BCL2L12: variants seen among roughly 807,000 people sequenced by gnomAD.
BCL2L12 encodes the protein bcl-2-like protein 12.
A neutral mutation model predicts 25.7 loss-of-function variants in BCL2L12; 27 were observed. That is an observed-to-expected ratio of 1.05 (90% confidence interval 0.78 to 1.45). BCL2L12 has a LOEUF of 1.45. BCL2L12 is among the 40% of genes most tolerant of loss of function. BCL2L12 has a pLI of 0.00. For synonymous variants in BCL2L12, 132 were observed against 145.6 expected, an observed-to-expected ratio of 0.91 and a Z score of 0.67; for missense variants, 302 against 329.8, an observed-to-expected ratio of 0.92 and a Z score of 0.65.
Position 49,673,785 on chromosome 19 carries a change from T to A in BCL2L12, c.*37T>A. ...GAAGCTGCTACAAGATGACACCTCA[T>A]GTCCCTGCCCTCTTCGTGTGCTTTT... On this transcript the variant is annotated 3_prime_UTR_variant, in exon 7 of 7. Coordinates refer to ENST00000246784, the MANE Select transcript of BCL2L12 (RefSeq NM_138639.2). 6.2e-7 allele frequency: 1 copy of A among 1,612,830 alleles called. No individual in the cohort carries two copies.
At position 49,672,992 on chromosome 19, in the gene BCL2L12, G is replaced by A. The variant is rs979227677; in HGVS notation, c.703-706G>A. On this transcript the variant is annotated intron_variant, in intron 6 of 6. Transcript: ENST00000246784. This position sits in a 1 kb window ranked among gnomAD's most constrained non-coding sequence, Gnocchi z 4.1. ...AAGCGATTCCCTGCCTCAGCCTCCT[G>A]AGTAGCTGGGGTTACAGGCGCACAC... Among the ~76,000 whole-genome samples the A allele has an allele frequency of 3.9e-5, 6 of 152,148 alleles. No homozygotes were observed. Among genetic ancestry groups the A allele is most frequent in the African/African-American group, 1.4e-4 (6 of 41,416 alleles).
intron 4 of BCL2L12, 40 bp from the exon 5 acceptor site, chr19:49,668,984 T>C (rs2081890713): frequency 6.2e-7 from 1 of 1,613,710 alleles, no homozygotes; most frequent in Non-Finnish European, 8.5e-7. Context: ...GGGAGGATAG[T>C]CAGGGTTCTG....
In BCL2L12 at chr19:49,666,507, T is replaced by C. The variant is rs56752819; in HGVS notation, c.-8-178T>C. ...ACCTTTCCTTGGATCGAAGAGTCTT[T>C]TTCCTGATCGCTTTTTCGTCTGAGG... is the stretch of plus-strand genomic sequence containing the variant. On this transcript the variant is annotated intron_variant, in intron 1 of 6. Coordinates refer to ENST00000246784, the MANE Select transcript of BCL2L12 (RefSeq NM_138639.2). 3.3e-5 allele frequency among the ~76,000 whole-genome samples: 5 copies of C among 152,216 alleles called. No homozygotes were observed. In the South Asian group the frequency reaches 8.3e-4, roughly 25 times the overall value.
chr19:49,668,597 C>A (rs12977710), intron 3 of BCL2L12, among the ~76,000 whole-genome samples: 3 of 151,894 alleles, frequency 2.0e-5, no homozygotes. Context: ...TGAGGTCAGC[C>A]TGGGCAACAC....
At chr19:49,673,418 C>T (rs2082000126) in intron 6 of BCL2L12, among the ~76,000 whole-genome samples, 1 of 152,062 alleles carries the variant, frequency 6.6e-6, no homozygotes, top group Non-Finnish European at 1.5e-5. Context: ...CCATCTCTGA[C>T]TCTGTCCCCC....
At chr19:49,673,363 A>G (rs866601892) in intron 6 of BCL2L12, among the ~76,000 whole-genome samples, 2 of 151,762 alleles carry the variant, frequency 1.3e-5, no homozygotes, top group South Asian at 4.2e-4. Flanking sequence ...GGATTTGTAC[A>G]CAAAGCCACG....
upstream of BCL2L12, chr19:49,665,550 C>T (rs1168932240): frequency 4.9e-6 from 2 of 411,722 alleles, no homozygotes; most frequent in Admixed American, 3.8e-5. Flanking sequence ...CCTGCCTTTC[C>T]ACTCTCCGTG....
At position 49,672,392 on chromosome 19, in the gene BCL2L12, G is replaced by A. The variant is rs761261722; in HGVS notation, c.703-1306G>A. Among the ~76,000 whole-genome samples the A allele has an allele frequency of 3.3e-5, 5 of 152,216 alleles. No homozygotes were observed. The highest frequency in any genetic ancestry group is 6.5e-5 in the Admixed American group (1 of 15,288). Reference sequence around the variant, plus strand: ...GGCGACAGATGAGAGGAGGAGAGGCGCCGGGCCAGCCAGGACCCTGTGGTC... The same window carrying A: ...GGCGACAGATGAGAGGAGGAGAGGCACCGGGCCAGCCAGGACCCTGTGGTC... On this transcript the variant is annotated intron_variant, in intron 6 of 6. Transcript: ENST00000246784. The surrounding 1 kb of genome is among the most constrained non-coding windows in gnomAD (Gnocchi z 4.1).
chr19:49,673,770 C>G lies in BCL2L12; in HGVS notation c.*22C>G, dbSNP rs748413916. ...CTGAGCTCTTTCTCAGAAGCTGCTA[C>G]AAGATGACACCTCATGTCCCTGCCC... On this transcript the variant is annotated 3_prime_UTR_variant, in exon 7 of 7. Transcript: ENST00000246784. 1.2e-6 allele frequency: 2 copies of G among 1,613,740 alleles called. No homozygotes were observed. Among genetic ancestry groups the G allele is most frequent in the Non-Finnish European group, 1.7e-6 (2 of 1,179,716 alleles).
intron 6 of BCL2L12, among the ~76,000 whole-genome samples, 162 bp from the exon 7 acceptor site, chr19:49,673,536 G>A (rs573499846): frequency 2.0e-5 from 3 of 152,152 alleles, no homozygotes; most frequent in East Asian, 3.9e-4. Context: ...TCATCCCTGT[G>A]CCCTTCTGTC....
At chr19:49,666,616 G>A in intron 1 of BCL2L12, 69 bp from the exon 2 acceptor site, 1 of 1,252,198 alleles carries the variant, frequency 8.0e-7, no homozygotes, top group Non-Finnish European at 1.1e-6. Context: ...GGACTCACAA[G>A]TCCTGGTCCC....
chr19:49,665,863 T>A (rs748220773), upstream of BCL2L12: 1 of 1,609,948 alleles, frequency 6.2e-7, no homozygotes, highest in East Asian at 2.2e-5. Context: ...CCTATGCCCT[T>A]TTTTGGGTTT....
chr19:49,670,183 GCTGA>G (rs1473370309), intron 5 of BCL2L12, 29 bp from the exon 6 acceptor site: 2 of 1,588,410 alleles, frequency 1.3e-6, no homozygotes, highest in African/African-American at 2.7e-5. Context: ...CGGGGGCGCT[GCTGA>G]CGCGGACCCT....
rs58396432 is a variant in BCL2L12, at chr19:49,672,237, G to A, written c.703-1461G>A. ...TCTCATTTACCTGCCTTGGGGGGTC[G>A]CTGTGGGTATTCACTGAGAGAGGGA... On this transcript the variant is annotated intron_variant, in intron 6 of 6. Coordinates refer to ENST00000246784, the MANE Select transcript of BCL2L12 (RefSeq NM_138639.2). This position sits in a 1 kb window ranked among gnomAD's most constrained non-coding sequence, Gnocchi z 4.1. 0.018 allele frequency: 2,793 copies of A among 152,576 alleles called. 77 individuals are homozygous for A. The highest frequency in any genetic ancestry group is 0.058 in the East Asian group (302 of 5,186). 9.5% of individuals were successfully genotyped at this position (152,576 alleles called of 1,614,324 possible). A position where few individuals can be genotyped will look rare whatever the true frequency, so the allele number is the denominator to read the frequency against.
At chr19:49,667,355 A>G (rs891290792) in intron 3 of BCL2L12, among the ~76,000 whole-genome samples, 194 bp downstream of exon 3, 2 of 152,108 alleles carry the variant, frequency 1.3e-5, no homozygotes, top group African/African-American at 4.8e-5. Flanking sequence ...CATTTGGTCA[A>G]TCTGGTTGTT....
chr19:49,666,649 C>T, intron 1 of BCL2L12, 36 bp from the exon 2 acceptor site: 1 of 1,494,458 alleles, frequency 6.7e-7, no homozygotes, highest in Non-Finnish European at 9.0e-7. Context: ...TCTTGCTAAA[C>T]CCTTGGAGTC....
intron 1 of BCL2L12, 53 bp from the exon 2 acceptor site, chr19:49,666,632 C>G (rs1345663413): frequency 3.3e-5 from 46 of 1,396,810 alleles, no homozygotes; most frequent in Non-Finnish European, 4.1e-5. Context: ...GTCCCCAAGC[C>G]TCCACTTCTT....
At chr19:49,666,443 C>T (rs1361034921) in intron 1 of BCL2L12, among the ~76,000 whole-genome samples, 1 of 152,194 alleles carries the variant, frequency 6.6e-6, no homozygotes, top group Non-Finnish European at 1.5e-5. Context: ...CCAGCTCCCT[C>T]CTCCTTTAGA....
upstream of BCL2L12, chr19:49,665,656 G>C (rs151315907): frequency 4.6e-4 from 400 of 863,078 alleles, 1 homozygote; most frequent in African/African-American, 6.2e-3. Flanking sequence ...GGGGCGTGCG[G>C]GCAGCTGGAA....
Sources: allele counts gnomAD v4.1 joint callset (sites outside exome capture counted in the v4.1 genomes callset), GRCh38; gene constraint gnomAD v4.1.1; non-coding constraint Gnocchi (gnomAD v3.1); transcripts MANE v1.5; gene names NCBI Gene and HGNC (gene_info 2026-07-23, HGNC 2026-07-21).